Variants in TMEM132C observed in about 807,000 individuals in gnomAD.
TMEM132C encodes protein phosphatase 1, regulatory subunit 152.
TMEM132C carries 29 observed loss-of-function variants against 61.4 expected under a neutral mutation model. The ratio of observed to expected loss-of-function variants is 0.47; its 90% CI spans 0.35 to 0.64. TMEM132C has a LOEUF of 0.64. Ranked by LOEUF, TMEM132C falls within the 30% of genes least tolerant of loss-of-function variation. The pLI, the probability that TMEM132C is intolerant of heterozygous loss-of-function variation, is 0.00. For synonymous variants in TMEM132C, 656 were observed against 633.1 expected, an observed-to-expected ratio of 1.04 and a Z score of -0.54; for missense variants, 1,408 against 1,476.9, an observed-to-expected ratio of 0.95 and a Z score of 0.76.
intron 2 of TMEM132C, 23 bp from the exon 3 acceptor site, chr12:128,543,933 TC>T: frequency 6.5e-7 from 1 of 1,541,404 alleles, no homozygotes; most frequent in East Asian, 2.5e-5. Context: ...TGTCTCTCTC[TC>T]TCTCCCATCT....
intron 1 of TMEM132C, among the ~76,000 whole-genome samples, chr12:128,355,456 G>A (rs1279453233): frequency 1.3e-5 from 2 of 152,006 alleles, no homozygotes; most frequent in Non-Finnish European, 2.9e-5. Flanking sequence ...CTGGACCAGT[G>A]CAAGAGCCTC....
rs527312102 is a variant in TMEM132C, at chr12:128,326,564, T to G, written c.85+59077T>G. Among the ~76,000 whole-genome samples the G allele has an allele frequency of 8.5e-5, 13 of 152,222 alleles. No individual in the cohort carries two copies. The highest frequency in any genetic ancestry group is 1.3e-4 in the Admixed American group (2 of 15,296). ...CCCAGGCTTCCACAATATCTAGAAT[T>G]GGAACAGTAGCCCCAGGAAAAGAAA... On this transcript the variant is annotated intron_variant, in intron 1 of 8. Transcript: ENST00000435159. This position sits in a 1 kb window ranked among gnomAD's most constrained non-coding sequence, Gnocchi z 5.6.
intron 2 of TMEM132C, among the ~76,000 whole-genome samples, chr12:128,533,687 C>T (rs889998757): frequency 1.3e-5 from 2 of 152,138 alleles, no homozygotes; most frequent in Non-Finnish European, 2.9e-5. Context: ...AATGTGATTA[C>T]CTCTGTAAAG....
At chr12:128,557,640 T>A (rs1219451815) in intron 3 of TMEM132C, among the ~76,000 whole-genome samples, 3 of 152,274 alleles carry the variant, frequency 2.0e-5, no homozygotes, top group African/African-American at 7.2e-5. Flanking sequence ...AGGCTCTGTG[T>A]GTCTCAGAGA....
intron 1 of TMEM132C, among the ~76,000 whole-genome samples, chr12:128,317,538 A>G (rs1297890395): frequency 6.6e-6 from 1 of 152,222 alleles, no homozygotes; most frequent in East Asian, 1.9e-4. Flanking sequence ...TTCCTTTTAC[A>G]TAATTCCCTT....
chr12:128,584,465 C>T (rs1364555678), intron 3 of TMEM132C, among the ~76,000 whole-genome samples: 4 of 152,300 alleles, frequency 2.6e-5, no homozygotes, highest in Non-Finnish European at 5.9e-5. Flanking sequence ...TGTAAGTACT[C>T]GTTTTTGGGT....
intron 1 of TMEM132C, among the ~76,000 whole-genome samples, chr12:128,333,223 G>A (rs1872706502): frequency 6.6e-6 from 1 of 151,238 alleles, no homozygotes; most frequent in African/African-American, 2.4e-5. Flanking sequence ...AGTGTGTGAT[G>A]TGTTTATGCA....
At chr12:128,686,615 G>A (rs567943267) in intron 5 of TMEM132C, among the ~76,000 whole-genome samples, 12 of 152,212 alleles carry the variant, frequency 7.9e-5, no homozygotes, top group African/African-American at 2.2e-4. Flanking sequence ...CAACAACACT[G>A]TGTAGGCCAA....
intron 2 of TMEM132C, among the ~76,000 whole-genome samples, chr12:128,464,836 A>C (rs954135268): frequency 2.3e-5 from 3 of 130,810 alleles, no homozygotes; most frequent in African/African-American, 9.2e-5. Flanking sequence ...AGAATACAAA[A>C]TATAACACAG....
At chr12:128,635,790 C>A (rs1425373091) in intron 4 of TMEM132C, among the ~76,000 whole-genome samples, 1 of 152,220 alleles carries the variant, frequency 6.6e-6, no homozygotes, top group Admixed American at 6.5e-5. Context: ...AGGTGGATGT[C>A]ACTCACAGTG....
intron 1 of TMEM132C, chr12:128,400,141 G>A (rs1875101228): frequency 6.6e-6 from 1 of 152,266 alleles, no homozygotes; most frequent in African/African-American, 2.4e-5. Flanking sequence ...GCGCACTGAG[G>A]AAGTCCACTG....
chr12:128,462,269 C>T (rs898247067), intron 2 of TMEM132C, among the ~76,000 whole-genome samples: 2 of 152,092 alleles, frequency 1.3e-5, no homozygotes, highest in African/African-American at 2.4e-5. Flanking sequence ...CCACACCCTA[C>T]TCATTTTTGT....
At chr12:128,284,872 A>T (rs1871009346) in intron 1 of TMEM132C, among the ~76,000 whole-genome samples, 1 of 152,224 alleles carries the variant, frequency 6.6e-6, no homozygotes, top group Admixed American at 6.5e-5. Context: ...ATGGTGTCTC[A>T]TGCCTGTAAT....
intron 3 of TMEM132C, among the ~76,000 whole-genome samples, chr12:128,599,718 A>T (rs1366108123): frequency 6.6e-6 from 1 of 152,220 alleles, no homozygotes; most frequent in South Asian, 2.1e-4. Flanking sequence ...TGATTCTATC[A>T]TGCAGCCAAG....
chr12:128,394,959 A>C (rs189497244), intron 1 of TMEM132C, among the ~76,000 whole-genome samples: 1 of 150,086 alleles, frequency 6.7e-6, no homozygotes, highest in East Asian at 2.0e-4. Flanking sequence ...CATCCCAAAG[A>C]TCTCATCTCC....
chr12:128,693,738 T>C, intron 5 of TMEM132C, 91 bp from the exon 6 acceptor site: 1 of 1,398,230 alleles, frequency 7.2e-7, no homozygotes, highest in South Asian at 1.3e-5. Flanking sequence ...TAAGCATTTG[T>C]GCTTTGCAAG....
At chr12:128,387,531 G>C (rs1713607) in intron 1 of TMEM132C, among the ~76,000 whole-genome samples, 52,579 of 152,056 alleles carry the variant, frequency 0.35, 9,777 homozygotes, top group African/African-American at 0.49. Context: ...ACAAAAATCA[G>C]CTGGGCACGG....
At chr12:128,279,972 C>T (rs570710321) in intron 1 of TMEM132C, among the ~76,000 whole-genome samples, 1 of 152,318 alleles carries the variant, frequency 6.6e-6, no homozygotes, top group South Asian at 2.1e-4. Flanking sequence ...GCCCCGAATG[C>T]TTGATAAATG....
rs564754381 is a variant in TMEM132C at position 128,506,483 on chromosome 12, C to T, written c.975-37474C>T. Among the ~76,000 whole-genome samples the T allele has an allele frequency of 3.3e-5, 5 of 152,242 alleles. No individual in the cohort carries two copies. The East Asian group carries it at 9.7e-4, about 29-fold the overall frequency. On this transcript the variant is annotated intron_variant, in intron 2 of 8. Transcript: ENST00000435159. ...AAGATCTTCCAGGTTTCCTCTTCTC[C>T]AAGACTTGGACATAGGAGGGGGCTC...
Sources: gnomAD v4.1 joint callset for allele counts (sites outside exome capture counted in the v4.1 genomes callset) on GRCh38, gnomAD v4.1.1 for gene constraint, Gnocchi (gnomAD v3.1) non-coding constraint, MANE v1.5 for transcripts, NCBI Gene and HGNC (gene_info 2026-07-23, HGNC 2026-07-21) for gene names.